ADAMTS3: variants seen among roughly 807,000 people sequenced by gnomAD.
The protein encoded by ADAMTS3 is ADAM metallopeptidase with thrombospondin type 1 motif 3, also known as A disintegrin and metalloproteinase with thrombospondin motifs 3.
ADAMTS3 carries 73 observed loss-of-function variants against 129.0 expected under a neutral mutation model. That is an observed-to-expected ratio of 0.57 (90% confidence interval 0.47 to 0.69). The LOEUF is 0.69. Among genes scored for constraint, ADAMTS3 ranks in the 30% least tolerant of loss-of-function variants. The pLI, the probability that ADAMTS3 is intolerant of heterozygous loss-of-function variation, is 0.00. For synonymous variants in ADAMTS3, 477 were observed against 510.8 expected (o/e 0.93, Z 0.89); for missense variants, 1,457 against 1,514.5 (o/e 0.96, Z 0.63).
intron 3 of ADAMTS3, among the ~76,000 whole-genome samples, chr4:72,546,603 G>A (rs890779250): frequency 6.6e-6 from 1 of 152,000 alleles, no homozygotes; most frequent in Non-Finnish European, 1.5e-5. Flanking sequence ...CAGTCCAGAG[G>A]AATTAGCAAG....
intron 4 of ADAMTS3, among the ~76,000 whole-genome samples, chr4:72,374,901 G>A (rs1721099706): frequency 6.6e-6 from 1 of 152,138 alleles, no homozygotes; most frequent in Admixed American, 6.5e-5. Flanking sequence ...TTAAATGAAA[G>A]TAGGTATTTC....
chr4:72,304,699 C>T (rs1466042552), intron 16 of ADAMTS3, among the ~76,000 whole-genome samples: 1 of 151,878 alleles, frequency 6.6e-6, no homozygotes, highest in Non-Finnish European at 1.5e-5. Flanking sequence ...AAATAAAATG[C>T]TGGCTTAATG....
intron 3 of ADAMTS3, among the ~76,000 whole-genome samples, chr4:72,518,424 G>A (rs1449911869): frequency 6.6e-6 from 1 of 152,136 alleles, no homozygotes; most frequent in Non-Finnish European, 1.5e-5. Context: ...TCTGTCTAAT[G>A]TTGACAGCGG....
intron 4 of ADAMTS3, among the ~76,000 whole-genome samples, chr4:72,395,834 A>C (rs984044907): frequency 2.0e-5 from 3 of 152,140 alleles, no homozygotes; most frequent in African/African-American, 7.2e-5. Flanking sequence ...GTGTGTGTGC[A>C]TATACACACG....
chr4:72,342,717 G>A (rs1019556922), intron 4 of ADAMTS3, among the ~76,000 whole-genome samples: 36 of 152,074 alleles, frequency 2.4e-4, no homozygotes, highest in African/African-American at 8.5e-4. Flanking sequence ...ATCTAAGATT[G>A]ATCTTTTGAG....
intron 3 of ADAMTS3, among the ~76,000 whole-genome samples, chr4:72,430,835 A>AG (rs1156649367): frequency 6.6e-6 from 1 of 151,534 alleles, no homozygotes; most frequent in African/African-American, 2.4e-5. Flanking sequence ...ATTAAAAAAA[A>AG]AAAAACTCAA....
chr4:72,380,885 AT>A (rs896804728), intron 4 of ADAMTS3, among the ~76,000 whole-genome samples: 1 of 152,116 alleles, frequency 6.6e-6, no homozygotes, highest in Non-Finnish European at 1.5e-5. Flanking sequence ...GCATATCAAG[AT>A]TTTTTTCCAT....
At chr4:72,525,589 G>A (rs569795756) in intron 3 of ADAMTS3, among the ~76,000 whole-genome samples, 6 of 152,246 alleles carry the variant, frequency 3.9e-5, no homozygotes, top group South Asian at 4.1e-4. Context: ...AAGATGAAAC[G>A]TAAGTAAAAC....
At chr4:72,520,447 G>A (rs1178387507) in intron 3 of ADAMTS3, among the ~76,000 whole-genome samples, 2 of 152,178 alleles carry the variant, frequency 1.3e-5, no homozygotes, top group African/African-American at 4.8e-5. Flanking sequence ...CCCAGAGGTG[G>A]AGCCTACACA....
At chr4:72,387,635 G>A (rs1275395798) in intron 4 of ADAMTS3, among the ~76,000 whole-genome samples, 1 of 152,078 alleles carries the variant, frequency 6.6e-6, no homozygotes, top group East Asian at 1.9e-4. Context: ...CTAGATATGG[G>A]GCACAAGGCT....
chr4:72,536,657 C>G (rs1462770710), intron 3 of ADAMTS3, among the ~76,000 whole-genome samples: 1 of 152,152 alleles, frequency 6.6e-6, no homozygotes, highest in Non-Finnish European at 1.5e-5. Flanking sequence ...TGCTCAAGGT[C>G]ATGAGGCTGG....
intron 3 of ADAMTS3, among the ~76,000 whole-genome samples, chr4:72,419,530 CCTGTGGGCCA>C (rs1722391462): frequency 6.6e-6 from 1 of 152,134 alleles, no homozygotes; most frequent in Admixed American, 6.5e-5. Context: ...CAACCTGTGT[CCTGTGGGCCA>C]CAGGCAGCCC....
intron 5 of ADAMTS3, among the ~76,000 whole-genome samples, chr4:72,336,731 T>C (rs1038352071): frequency 6.6e-5 from 10 of 152,184 alleles, no homozygotes; most frequent in African/African-American, 2.4e-4. Context: ...CTCAGCATCG[T>C]TGACATTTTG....
intron 2 of ADAMTS3, among the ~76,000 whole-genome samples, chr4:72,564,893 G>C (rs1721985591): frequency 6.6e-6 from 1 of 152,148 alleles, no homozygotes; most frequent in African/African-American, 2.4e-5. Context: ...TAGTTACAAA[G>C]AGCATGAAAA....
intron 4 of ADAMTS3, among the ~76,000 whole-genome samples, chr4:72,346,784 G>A (rs531623036): frequency 2.0e-5 from 3 of 152,146 alleles, no homozygotes; most frequent in Admixed American, 1.3e-4. Flanking sequence ...TAAATCCAGC[G>A]ACTCTAGGTG....
chr4:72,405,139 G>C lies in ADAMTS3; in HGVS notation c.661+9676C>G, dbSNP rs571666821. Among the ~76,000 whole-genome samples the C allele has an allele frequency of 5.3e-5, 8 of 152,160 alleles. No individual in the cohort carries two copies. The South Asian group carries it at 1.7e-3, about 31-fold the overall frequency. On this transcript the variant is annotated intron_variant, in intron 4 of 21. Transcript: ENST00000286657. Reference sequence around the variant, plus strand: ...GAAAATAAACTATGTTGAGGCTCCTGAGAATATTAAAAAATAGAACTACCA... The same window carrying C: ...GAAAATAAACTATGTTGAGGCTCCTCAGAATATTAAAAAATAGAACTACCA...
chr4:72,525,170 T>C (rs1720775998), intron 3 of ADAMTS3, among the ~76,000 whole-genome samples: 1 of 152,178 alleles, frequency 6.6e-6, no homozygotes, highest in Non-Finnish European at 1.5e-5. Context: ...GGTCCAAGTA[T>C]CACACTGGGA....
chr4:72,462,813 T>TA (rs368671505), intron 3 of ADAMTS3, among the ~76,000 whole-genome samples: 1,573 of 149,792 alleles, frequency 0.011, 21 homozygotes, highest in African/African-American at 0.036. Context: ...AGTTTAAAAG[T>TA]AAAAAAAAAA....
chr4:72,284,444 CA>C (rs11292771), intron 21 of ADAMTS3, among the ~76,000 whole-genome samples: 77,520 of 123,498 alleles, frequency 0.63, 23,242 homozygotes, highest in Non-Finnish European at 0.74. Flanking sequence ...GACTCTGTCT[CA>C]AAAAAAAAAA....
Sources: gnomAD v4.1 joint callset for allele counts (sites outside exome capture counted in the v4.1 genomes callset) on GRCh38, gnomAD v4.1.1 for gene constraint, MANE v1.5 for transcripts, NCBI Gene and HGNC (gene_info 2026-07-23, HGNC 2026-07-21) for gene names.